ANKDD1A: variants seen among roughly 807,000 people sequenced by gnomAD.
The protein encoded by ANKDD1A is ankyrin repeat and death domain-containing protein 1A.
Under a neutral mutation model 63.5 loss-of-function variants are expected in ANKDD1A, and 59 were observed. The ratio of observed to expected loss-of-function variants is 0.93; its 90% confidence interval spans 0.75 to 1.15. ANKDD1A has a LOEUF of 1.15. ANKDD1A is among the 50% of genes most tolerant of loss of function. ANKDD1A has a pLI of 0.00. For missense variants in ANKDD1A, 632 were observed against 656.4 expected (o/e 0.96, Z 0.41); for synonymous variants, 266 against 263.9 (o/e 1.01, Z -0.08).
intron 6 of ANKDD1A, among the ~76,000 whole-genome samples, chr15:64,929,350 C>T (rs2085070901): frequency 6.6e-6 from 1 of 151,864 alleles, no homozygotes; most frequent in African/African-American, 2.4e-5. Context: ...ATTTTTGTAT[C>T]TTTTGTAGAG....
chr15:64,953,959 CT>C (rs1382918011), intron 14 of ANKDD1A, among the ~76,000 whole-genome samples: 62,809 of 103,676 alleles, frequency 0.61, 16,876 homozygotes, highest in East Asian at 0.84. Context: ...TCTATTGTTT[CT>C]TTTTTTCTTC....
chr15:64,953,444 T>A (rs2085339931), intron 14 of ANKDD1A, among the ~76,000 whole-genome samples: 2 of 113,154 alleles, frequency 1.8e-5, no homozygotes, highest in Non-Finnish European at 1.9e-5. Context: ...TCCTTCCTTT[T>A]CTTCTTTCTT....
Position 64,926,997 on chromosome 15 carries a change from A to G in ANKDD1A, c.568A>G (p.Lys190Glu). ...GSGCDHNVKD[K>E]EGNTALHLAA... is the part of the protein sequence containing the mutation. ...TGGCTGTGACCACAATGTCAAAGACAAGGTACCGTGTCCGTGAGGCTCTGG... is the reference window on the plus strand; with the variant it reads ...TGGCTGTGACCACAATGTCAAAGACGAGGTACCGTGTCCGTGAGGCTCTGG... The change falls in exon 6 of 15, where the codon AAG becomes GAG. Residue 190 changes from lysine (K) to glutamate (E), a missense_variant and splice_region_variant. Transcript: ENST00000319580. 1.9e-6 allele frequency: 3 copies of G among 1,614,144 alleles called. No homozygotes were observed. Among genetic ancestry groups the G allele is most frequent in the Non-Finnish European group, 2.5e-6 (3 of 1,179,978 alleles).
chr15:64,947,952 T>G (rs148177556), intron 13 of ANKDD1A, among the ~76,000 whole-genome samples: 338 of 152,188 alleles, frequency 2.2e-3, no homozygotes, highest in Middle Eastern at 3.4e-3. Flanking sequence ...GAAAAGGAAA[T>G]AGAAATAAGG....
intron 6 of ANKDD1A, among the ~76,000 whole-genome samples, chr15:64,929,091 G>A (rs1406789186): frequency 6.6e-6 from 1 of 152,226 alleles, no homozygotes; most frequent in Non-Finnish European, 1.5e-5. Flanking sequence ...GCAGGCTATA[G>A]GCTGCAGAGA....
chr15:64,951,094 G>T (rs1356600093), intron 14 of ANKDD1A: 1 of 1,182,874 alleles, frequency 8.5e-7, no homozygotes, highest in Admixed American at 4.0e-5. Context: ...TCATTTAAGG[G>T]CTTTTTAAAA....
chr15:64,945,631 T>TATATATATATATATATATATATATATATA (rs1566913754), intron 12 of ANKDD1A, among the ~76,000 whole-genome samples: 1 of 40,098 alleles, frequency 2.5e-5, no homozygotes, highest in African/African-American at 1.1e-4. Context: ...TATATATATA[T>TATATATATATATATATATATATATATATA]GAACTTTTTT....
rs374097165 is a variant in ANKDD1A at position 64,949,863 on chromosome 15, C to T, written c.1374C>T (p.His458=). Residue 458 remains histidine (H), a synonymous_variant, in exon 14 of 15, where the codon CAC becomes CAT. Coordinates refer to ENST00000319580, the MANE Select transcript of ANKDD1A (RefSeq NM_182703.6). ...CAGGCACCAGGAGCTATCAGGAGCACGGCCACCGAATGCTGCTCATTTGGC... is the reference window on the plus strand; with the variant it reads ...CAGGCACCAGGAGCTATCAGGAGCATGGCCACCGAATGCTGCTCATTTGGC... ...QWTGTRSYQE[H]GHRMLLIWLH... The T allele has an allele frequency of 6.7e-5, 108 of 1,603,070 alleles. 1 individual carries two copies. In the East Asian group the frequency reaches 9.4e-4, roughly 14 times the overall value.
chr15:64,943,764 C>G (rs976843809), intron 11 of ANKDD1A, 182 bp downstream of exon 11: 1 of 630,260 alleles, frequency 1.6e-6, no homozygotes, highest in Admixed American at 2.5e-5. Flanking sequence ...ACCTTCCCCT[C>G]TCTCTACTAA....
chr15:64,925,978 C>A, intron 4 of ANKDD1A, 88 bp from the exon 5 acceptor site: 1 of 1,227,658 alleles, frequency 8.1e-7, no homozygotes, highest in Non-Finnish European at 1.2e-6. Context: ...TGTTCTGGGT[C>A]CCAAACACTC....
intron 1 of ANKDD1A, among the ~76,000 whole-genome samples, chr15:64,913,682 CTG>C (rs928887376): frequency 1.5e-4 from 23 of 152,206 alleles, no homozygotes; most frequent in Admixed American, 2.6e-4. Context: ...CTGGAGAAGA[CTG>C]TGTGGAATTT....
rs140781481 is a variant in ANKDD1A, at chr15:64,930,880, G to A, written c.629G>A (p.Arg210Gln). The change falls in exon 7 of 15, where the codon CGA becomes CAA. Residue 210 changes from arginine to glutamine, a missense_variant. By Grantham distance (43) the Arg-to-Gln change is conservative (BLOSUM62 1). Transcript: ENST00000319580. ...CGGGGCCATATGGCTGTGCTGCAGC[G>A]ACTTGTGGACATCGGGCTGGACCTG... ...AGRGHMAVLQ[R>Q]LVDIGLDLEE... 98 of 1,612,970 alleles carry A rather than the reference G, an allele frequency of 6.1e-5. No individual in the cohort carries two copies. The African/African-American group carries it at 8.0e-4, about 13-fold the overall frequency.
chr15:64,947,540 A>G lies in ANKDD1A; in HGVS notation c.1298A>G (p.Tyr433Cys), dbSNP rs745842332. The G allele has an allele frequency of 2.3e-5, 37 of 1,614,022 alleles. No homozygotes were observed. Among genetic ancestry groups the G allele is most frequent in the Middle Eastern group, 3.3e-4 (2 of 6,084 alleles). Reference sequence around the variant, plus strand: ...CCCCGTGAGTGGAAGAAGCTGGCATATTCCTGGGAGTTCACGGAGGCACAT... The same window carrying G: ...CCCCGTGAGTGGAAGAAGCTGGCATGTTCCTGGGAGTTCACGGAGGCACAT... ...LQPREWKKLA[Y>C]SWEFTEAHVD... The change falls in exon 13 of 15, where the codon TAT becomes TGT. Residue 433 changes from tyrosine to cysteine, a missense_variant. Physicochemically the swap from Tyr to Cys is radical, Grantham distance 194. Transcript: ENST00000319580.
At chr15:64,955,050 TCTTC>T (rs1283262851) in intron 14 of ANKDD1A, among the ~76,000 whole-genome samples, 3 of 150,252 alleles carry the variant, frequency 2.0e-5, no homozygotes, top group Admixed American at 1.3e-4. Context: ...TTTCTTTCTT[TCTTC>T]TTCTTTTCTC....
chr15:64,938,103 C>G (rs1489895929), intron 9 of ANKDD1A, among the ~76,000 whole-genome samples: 3 of 152,104 alleles, frequency 2.0e-5, no homozygotes, highest in Non-Finnish European at 4.4e-5. Flanking sequence ...AACTGTGCGT[C>G]CATACTGATA....
intron 9 of ANKDD1A, among the ~76,000 whole-genome samples, chr15:64,938,977 T>TAGAG (rs1176663980): frequency 1.3e-5 from 2 of 148,752 alleles, no homozygotes; most frequent in Non-Finnish European, 3.0e-5. Context: ...AGACTCTGAA[T>TAGAG]AGAGTATGGA....
intron 9 of ANKDD1A, among the ~76,000 whole-genome samples, chr15:64,934,492 T>C (rs1247368525): frequency 6.6e-6 from 1 of 150,686 alleles, no homozygotes; most frequent in East Asian, 1.9e-4. Flanking sequence ...GGCTTTTTTT[T>C]TTCTTTTCTT....
intron 13 of ANKDD1A, among the ~76,000 whole-genome samples, chr15:64,948,770 G>C (rs988251550): frequency 6.6e-6 from 1 of 151,254 alleles, no homozygotes; most frequent in African/African-American, 2.4e-5. Context: ...AGTTTGCAGT[G>C]AGCCGAGATC....
At position 64,954,715 on chromosome 15, in the gene ANKDD1A, C is replaced by T. The variant is rs1313595479; in HGVS notation, c.1484-2388C>T. On this transcript the variant is annotated intron_variant, in intron 14 of 14. Transcript: ENST00000319580. ...TCCTTGTTCTTCTCCTTCTTCTTCT[C>T]CTTCTCCTCCTCCTTCTTCTTCCTT... 5.3e-3 allele frequency among the ~76,000 whole-genome samples: 314 copies of T among 59,198 alleles called. 3 individuals carry two copies. The highest frequency in any genetic ancestry group is 9.4e-3 in the Middle Eastern group (1 of 106). 38.8% of individuals were successfully genotyped at this position (59,198 alleles called of 152,430 possible).
Sources: gnomAD v4.1 joint callset for allele counts (sites outside exome capture counted in the v4.1 genomes callset) on GRCh38, gnomAD v4.1.1 for gene constraint, MANE v1.5 for transcripts, NCBI Gene and HGNC (gene_info 2026-07-23, HGNC 2026-07-21) for gene names.